The following TMEM192 variants were observed in gnomAD, a reference collection of about 807,000 sequenced individuals.
The protein encoded by TMEM192 is transmembrane protein 192.
A neutral mutation model predicts 26.7 loss-of-function variants in TMEM192; 20 were observed. The observed-to-expected ratio is 0.75, with a 90% CI of 0.53 to 1.09. The LOEUF (loss-of-function observed/expected upper bound fraction) is 1.09, where lower values mean the gene tolerates loss of function less well. Among genes scored for constraint, TMEM192 ranks in the 50% least tolerant of loss-of-function variants. The pLI is 0.00. For synonymous variants in TMEM192, 124 were observed against 121.0 expected (o/e 1.02, Z -0.16); for missense variants, 304 against 322.6 (o/e 0.94, Z 0.44).
chr4:165,078,667 T>C lies in TMEM192; in HGVS notation c.*991A>G, dbSNP rs967324252. On this transcript the variant is annotated 3_prime_UTR_variant, in exon 6 of 6. Transcript: ENST00000306480. The stretch of plus-strand genomic sequence containing the variant: ...AAAGTGAAAGTTCTAAATTCTTCTC[T>C]GAATTTTTCAGCTATTGCTAATGGA... 1.3e-5 allele frequency: 2 copies of C among 152,258 alleles called. No homozygotes were observed. Among genetic ancestry groups the C allele is most frequent in the Non-Finnish European group, 2.9e-5 (2 of 68,044 alleles). The allele number at this position is 152,258 out of a possible 1,614,324, so 9.4% of individuals were successfully genotyped here. A position where few individuals can be genotyped will look rare whatever the true frequency, so the allele number is the denominator to read the frequency against.
At position 165,081,004 on chromosome 4, in the gene TMEM192, C is replaced by T. The variant is rs1044357015; in HGVS notation, c.678-1208G>A. ...TGCTGGGATTACAGGTGTGAGCCAC[C>T]GCGCCCAGCCAATAACCACATTATT... On this transcript the variant is annotated intron_variant, in intron 5 of 5. Transcript: ENST00000306480. 1.1e-4 allele frequency among the ~76,000 whole-genome samples: 17 copies of T among 152,130 alleles called. No individual in the cohort carries two copies. The East Asian group carries it at 2.9e-3, about 26-fold the overall frequency.
intron 5 of TMEM192, among the ~76,000 whole-genome samples, chr4:165,080,383 T>C (rs1439800310): frequency 6.6e-6 from 1 of 152,162 alleles, no homozygotes; most frequent in Non-Finnish European, 1.5e-5. Flanking sequence ...AAGTAATAGC[T>C]ATAAAGTGTT....
Position 165,102,941 on chromosome 4 carries a change from C to T in TMEM192, c.174+9G>A, listed in dbSNP as rs1370263048. On this transcript the variant is annotated intron_variant, in intron 2 of 5. Coordinates refer to ENST00000306480, the MANE Select transcript of TMEM192 (RefSeq NM_001100389.2). ...CTCTGGATAGGTCCCCTTCTTGCAG[C>T]CAACTTACATGAATAAACCACAGAA... 2.5e-6 allele frequency: 4 copies of T among 1,605,882 alleles called. No homozygotes were observed. The highest frequency in any genetic ancestry group is 3.4e-5 in the Admixed American group (2 of 58,374).
At chr4:165,097,921 G>C (rs1047381703) in intron 3 of TMEM192, among the ~76,000 whole-genome samples, 1 of 151,750 alleles carries the variant, frequency 6.6e-6, no homozygotes, top group Non-Finnish European at 1.5e-5. Flanking sequence ...TTGATCTCCC[G>C]GGTTCAAGCG....
intron 3 of TMEM192, among the ~76,000 whole-genome samples, chr4:165,092,906 A>T (rs193087630): frequency 6.1e-4 from 92 of 151,872 alleles, no homozygotes; most frequent in East Asian, 5.2e-3. Context: ...CTTAAAAAAA[A>T]AATAATAAAA....
chr4:165,100,192 G>A lies in TMEM192; in HGVS notation c.439+436C>T, dbSNP rs1028089233. On this transcript the variant is annotated intron_variant, in intron 3 of 5. Transcript: ENST00000306480. ...TTTTTTTTTTTTGAGATGGAGTCTC[G>A]CTGTGTTGCCAGGCTGGAGTGCAGT... Among the ~76,000 whole-genome samples, 8 of 136,608 alleles carry A rather than the reference G, an allele frequency of 5.9e-5. No homozygotes were observed. In the East Asian group the frequency reaches 6.3e-4, roughly 11 times the overall value. The allele number at this position is 136,608 out of a possible 152,430, so 89.6% of individuals were successfully genotyped here.
At chr4:165,080,778 G>A (rs191755452) in intron 5 of TMEM192, among the ~76,000 whole-genome samples, 57 of 152,220 alleles carry the variant, frequency 3.7e-4, no homozygotes, top group African/African-American at 1.4e-3. Flanking sequence ...GCAGTGGCAT[G>A]ATCTCTGCTC....
intron 1 of TMEM192, chr4:165,111,606 A>T (rs1735294101): frequency 6.6e-6 from 1 of 152,192 alleles, no homozygotes; most frequent in Non-Finnish European, 1.5e-5. Flanking sequence ...CTCAGAAACA[A>T]TGAATTTTGC....
intron 3 of TMEM192, among the ~76,000 whole-genome samples, chr4:165,096,961 C>CT (rs58895775): frequency 0.98 from 147,641 of 150,062 alleles, 72,672 homozygotes; most frequent in East Asian, 1. Flanking sequence ...TAAGTTTTTT[C>CT]TTTTTTTTTA....
intron 3 of TMEM192, among the ~76,000 whole-genome samples, chr4:165,096,629 C>CTTT (rs55845654): frequency 3.5e-5 from 5 of 144,528 alleles, no homozygotes; most frequent in African/African-American, 5.1e-5. Context: ...ATAGATTTAT[C>CTTT]TTTTTTTTTT....
At chr4:165,085,882 T>C (rs770933887) in intron 4 of TMEM192, among the ~76,000 whole-genome samples, 194 bp from the exon 5 acceptor site, 3 of 152,180 alleles carry the variant, frequency 2.0e-5, no homozygotes, top group African/African-American at 4.8e-5. Flanking sequence ...CTGACATTTA[T>C]TGTGCACTTA....
At chr4:165,086,973 G>C (rs537123177) in intron 4 of TMEM192, among the ~76,000 whole-genome samples, 2 of 152,182 alleles carry the variant, frequency 1.3e-5, no homozygotes, top group South Asian at 4.2e-4. Flanking sequence ...AATTAGCTGG[G>C]TGTGGTGGTA....
At chr4:165,099,809 T>G (rs1285159601) in intron 3 of TMEM192, among the ~76,000 whole-genome samples, 1 of 152,028 alleles carries the variant, frequency 6.6e-6, no homozygotes, top group Non-Finnish European at 1.5e-5. Flanking sequence ...ATTAGCCGGG[T>G]GTGGTGGCAT....
chr4:165,085,987 G>T (rs1171831334), intron 4 of TMEM192, among the ~76,000 whole-genome samples: 1 of 152,174 alleles, frequency 6.6e-6, no homozygotes, highest in Non-Finnish European at 1.5e-5. Flanking sequence ...TTACCCCGCA[G>T]TGAAGCCCAG....
intron 5 of TMEM192, 98 bp downstream of exon 5, chr4:165,085,488 A>T: frequency 1.2e-6 from 1 of 800,866 alleles, no homozygotes; most frequent in Non-Finnish European, 2.0e-6. Context: ...AAACAAATGT[A>T]AAAGTACAAA....
rs1293746718 is a variant in TMEM192 at position 165,071,853 on chromosome 4, G to A, written c.*7805C>T. ...AATGAAAAAGGGAACCATCAGAGTA[G>A]TGTTTTAGAAGGATATTGTTGGCTG... On this transcript the variant is annotated 3_prime_UTR_variant, in exon 6 of 6. Transcript: ENST00000306480. 1.3e-5 allele frequency: 2 copies of A among 152,404 alleles called. No individual in the cohort carries two copies. Among genetic ancestry groups the A allele is most frequent in the African/African-American group, 4.8e-5 (2 of 41,436 alleles). 9.4% of individuals were successfully genotyped at this position (152,404 alleles called of 1,614,324 possible). A position where few individuals can be genotyped will look rare whatever the true frequency, so the allele number is the denominator to read the frequency against.
rs570265040 is a variant in TMEM192 at position 165,071,661 on chromosome 4, G to A, written c.*7997C>T. 2 of 152,388 alleles carry A rather than the reference G, an allele frequency of 1.3e-5. No individual in the cohort carries two copies. Among genetic ancestry groups the A allele is most frequent in the South Asian group, 4.1e-4 (2 of 4,828 alleles). The allele number at this position is 152,388 out of a possible 1,614,324, so 9.4% of individuals were successfully genotyped here. ...TTGATCCTTCCAGGCAGAGGGAACA[G>A]CAACCGCAAAGGTCCTCAGGTAAGA... On this transcript the variant is annotated 3_prime_UTR_variant, in exon 6 of 6. Transcript: ENST00000306480.
At chr4:165,087,475 C>T (rs764683252) in intron 4 of TMEM192, among the ~76,000 whole-genome samples, 2 of 152,142 alleles carry the variant, frequency 1.3e-5, no homozygotes, top group African/African-American at 2.4e-5. Flanking sequence ...ATGACTCCTA[C>T]GTTTCTAGGA....
rs35732863 is a variant in TMEM192 at position 165,090,213 on chromosome 4, G to GAAA, written c.440-1614_440-1612dup. On this transcript the variant is annotated intron_variant, in intron 3 of 5. Coordinates refer to ENST00000306480, the MANE Select transcript of TMEM192 (RefSeq NM_001100389.2). ...GCAACAAGAGCGAAACTCCGTCTTG[G>GAAA]AAAAAAAAAAAAAAAAAAAAAAAAT... Among the ~76,000 whole-genome samples the GAAA allele has an allele frequency of 4.4e-3, 228 of 52,082 alleles. 6 individuals are homozygous for GAAA. Among genetic ancestry groups the GAAA allele is most frequent in the Middle Eastern group, 0.017 (1 of 58 alleles). The allele number at this position is 52,082 out of a possible 152,430, so 34.2% of individuals were successfully genotyped here.
Sources: allele counts gnomAD v4.1 joint callset (sites outside exome capture counted in the v4.1 genomes callset), GRCh38; gene constraint gnomAD v4.1.1; transcripts MANE v1.5; gene names NCBI Gene and HGNC (gene_info 2026-07-23, HGNC 2026-07-21).